The following PDE11A variants were observed in gnomAD, a reference collection of about 807,000 sequenced individuals.
PDE11A encodes dual 3',5'-cyclic-AMP and -GMP phosphodiesterase 11A.
In PDE11A, 100 loss-of-function variants were observed where a neutral mutation model predicts 100.5. The observed-to-expected ratio is 1.00, with a 90% CI of 0.85 to 1.18. The LOEUF (loss-of-function observed/expected upper bound fraction) is 1.18, where lower values mean the gene tolerates loss of function less well. Ranked by LOEUF, PDE11A falls within the 50% of genes most tolerant of loss-of-function variation. The pLI is 0.00. For missense variants in PDE11A, 1,141 were observed against 1,152.6 expected (o/e 0.99, Z 0.15); for synonymous variants, 381 against 420.8 (o/e 0.91, Z 1.16).
intron 2 of PDE11A, among the ~76,000 whole-genome samples, chr2:177,945,697 G>T (rs1414809573): frequency 4.5e-4 from 69 of 151,724 alleles, no homozygotes; most frequent in Non-Finnish European, 5.6e-4. Context: ...GAGCGTCTCC[G>T]CCCGGCAGCC....
intron 4 of PDE11A, among the ~76,000 whole-genome samples, chr2:177,879,410 A>T (rs1395328642): frequency 6.6e-6 from 1 of 152,238 alleles, no homozygotes; most frequent in Non-Finnish European, 1.5e-5. Context: ...TTAAGTTTTT[A>T]ACTTTTTGAA....
At chr2:178,050,777 T>G (rs955840519) in intron 1 of PDE11A, among the ~76,000 whole-genome samples, 30 of 152,152 alleles carry the variant, frequency 2.0e-4, no homozygotes, top group African/African-American at 6.7e-4. Context: ...ATCAAATGAA[T>G]GAAATGAAGT....
At chr2:177,883,543 G>A (rs2084381220) in intron 4 of PDE11A, among the ~76,000 whole-genome samples, 1 of 152,158 alleles carries the variant, frequency 6.6e-6, no homozygotes, top group African/African-American at 2.4e-5. Context: ...GTGCACAGAG[G>A]AAGGTGTTAA....
chr2:177,998,799 C>A, intron 2 of PDE11A: 1 of 698,370 alleles, frequency 1.4e-6, no homozygotes, highest in South Asian at 1.7e-5. Flanking sequence ...GGCCTGCTCC[C>A]ACTATCTTCA....
intron 17 of PDE11A, among the ~76,000 whole-genome samples, chr2:177,674,665 T>C (rs756086549): frequency 6.6e-6 from 1 of 152,234 alleles, no homozygotes; most frequent in Non-Finnish European, 1.5e-5. Flanking sequence ...TAGGACCTGA[T>C]ATCTTTGGGT....
chr2:177,844,044 A>C (rs1322061211), intron 5 of PDE11A, among the ~76,000 whole-genome samples: 2 of 152,246 alleles, frequency 1.3e-5, no homozygotes, highest in Non-Finnish European at 2.9e-5. Flanking sequence ...ACAGGAACAT[A>C]AATTAAGGCC....
chr2:178,055,837 A>G (rs2086893362), intron 1 of PDE11A, among the ~76,000 whole-genome samples: 1 of 152,164 alleles, frequency 6.6e-6, no homozygotes, highest in Admixed American at 6.5e-5. Flanking sequence ...GTACACTTAT[A>G]GAAAATTTGA....
intron 19 of PDE11A, among the ~76,000 whole-genome samples, chr2:177,631,555 A>T (rs371397531): frequency 3.2e-5 from 1 of 30,902 alleles, no homozygotes; most frequent in Non-Finnish European, 5.7e-5. Flanking sequence ...ATACACATGT[A>T]TATATATATA....
intron 1 of PDE11A, among the ~76,000 whole-genome samples, chr2:178,041,505 G>T (rs2086683079): frequency 6.6e-6 from 1 of 152,112 alleles, no homozygotes; most frequent in African/African-American, 2.4e-5. Flanking sequence ...GCCTCCAAGT[G>T]CTGGGATTAT....
chr2:177,999,958 T>C (rs1291434761), intron 2 of PDE11A, among the ~76,000 whole-genome samples: 1 of 152,200 alleles, frequency 6.6e-6, no homozygotes, highest in Non-Finnish European at 1.5e-5. Context: ...GGGCCCTCCC[T>C]TGGGGCACCT....
At chr2:177,942,954 A>G (rs2085362295) in intron 2 of PDE11A, among the ~76,000 whole-genome samples, 1 of 152,178 alleles carries the variant, frequency 6.6e-6, no homozygotes, top group African/African-American at 2.4e-5. Flanking sequence ...CCTCATGTAA[A>G]TGGAGTCATA....
intron 10 of PDE11A, among the ~76,000 whole-genome samples, chr2:177,749,391 T>C (rs1383185012): frequency 6.6e-6 from 1 of 152,158 alleles, no homozygotes; most frequent in Non-Finnish European, 1.5e-5. Context: ...TCTAACTCTT[T>C]TTTGTTGTTT....
intron 9 of PDE11A, among the ~76,000 whole-genome samples, chr2:177,799,151 C>T (rs552882752): frequency 5.9e-5 from 9 of 152,060 alleles, no homozygotes; most frequent in South Asian, 4.2e-4. Context: ...CCAGTTTGCT[C>T]GAGACTGTCA....
intron 14 of PDE11A, among the ~76,000 whole-genome samples, chr2:177,699,470 GA>G (rs1485940293): frequency 6.6e-6 from 1 of 152,190 alleles, no homozygotes; most frequent in Admixed American, 6.5e-5. Context: ...GTGCTAGCCA[GA>G]AAAAGTTAAT....
intron 13 of PDE11A, among the ~76,000 whole-genome samples, chr2:177,707,687 T>A (rs1044069406): frequency 6.6e-6 from 1 of 152,178 alleles, no homozygotes; most frequent in East Asian, 1.9e-4. Context: ...ACTGTCTTAA[T>A]ATCACGGTAA....
rs559930017 is a variant in PDE11A at position 178,096,379 on chromosome 2, T to A, written c.162+7923A>T. Among the ~76,000 whole-genome samples, 8 of 151,236 alleles carry A rather than the reference T, an allele frequency of 5.3e-5. No individual in the cohort carries two copies. In the East Asian group the frequency reaches 1.6e-3, roughly 30 times the overall value. On this transcript the variant is annotated intron_variant, in intron 2 of 20. Coordinates refer to the PDE11A transcript ENST00000358450. ...TACTAGAGGCAGGGTTTCACTGTGT[T>A]AGCCAGGATGGTCTCGATCTCCTGA...
chr2:178,083,148 G>A (rs1245183327), intron 2 of PDE11A, among the ~76,000 whole-genome samples: 1 of 146,650 alleles, frequency 6.8e-6, no homozygotes, highest in African/African-American at 2.5e-5. Context: ...CACCTAGGCT[G>A]GAGTGCAGTG....
intron 5 of PDE11A, among the ~76,000 whole-genome samples, chr2:177,871,053 G>A (rs1291024435): frequency 2.0e-5 from 3 of 152,214 alleles, no homozygotes; most frequent in Admixed American, 6.5e-5. Flanking sequence ...CAGGGAACTC[G>A]GAGAAAATAC....
chr2:177,815,262 T>G (rs188395132), intron 9 of PDE11A, among the ~76,000 whole-genome samples: 1 of 129,680 alleles, frequency 7.7e-6, no homozygotes, highest in Non-Finnish European at 1.6e-5. Flanking sequence ...ATAATAGTAT[T>G]ATTGCTATGA....
Sources: gnomAD v4.1 joint callset for allele counts (sites outside exome capture counted in the v4.1 genomes callset) on GRCh38, gnomAD v4.1.1 for gene constraint, MANE v1.5 for transcripts, NCBI Gene and HGNC (gene_info 2026-07-23, HGNC 2026-07-21) for gene names.